KIAA0930: variants seen among roughly 807,000 people sequenced by gnomAD.
KIAA0930 encodes the protein KIAA0930, also known as uncharacterized protein KIAA0930.
A neutral mutation model predicts 43.9 loss-of-function variants in KIAA0930; 24 were observed. The ratio of observed to expected loss-of-function variants is 0.55; its 90% confidence interval spans 0.40 to 0.77. The LOEUF (loss-of-function observed/expected upper bound fraction) is 0.77, where lower values mean the gene tolerates loss of function less well. KIAA0930 is among the 30% of genes least tolerant of loss of function. The probability of loss-of-function intolerance (pLI) is 0.00; values close to 1 mark genes in which losing one functional copy is unlikely to be tolerated. For missense variants in KIAA0930, 461 were observed against 574.2 expected, an observed-to-expected ratio of 0.80 and a Z score of 2.02; for synonymous variants, 259 against 216.4, an observed-to-expected ratio of 1.20 and a Z score of -1.73.
At chr22:45,221,377 A>G (rs1220973636) in intron 1 of KIAA0930, among the ~76,000 whole-genome samples, 1 of 152,226 alleles carries the variant, frequency 6.6e-6, no homozygotes, top group East Asian at 1.9e-4. Flanking sequence ...AAGGAAATGG[A>G]CATGGCTATG....
chr22:45,203,968 G>A lies in KIAA0930; in HGVS notation c.534C>T (p.Thr178=), dbSNP rs776935416. 6 of 1,613,994 alleles carry A rather than the reference G, an allele frequency of 3.7e-6. No homozygotes were observed. The East Asian group carries it at 6.7e-5, about 18-fold the overall frequency. The change falls in exon 6 of 10, where the codon ACC becomes ACT. Residue 178 remains threonine (T), a synonymous_variant. Coordinates refer to ENST00000336156, the MANE Select transcript of KIAA0930 (RefSeq NM_001009880.2). ...CACAGACCATCTCTCCTTCCCCTAC[G>A]GTCATGTCGCTGAACACCTGGGCCA... is the stretch of plus-strand genomic sequence containing the variant. ...DSFEEVFSDM[T]VGEGEMVCVE... is the part of the protein sequence containing the mutation.
chr22:45,222,655 C>G (rs950582133), intron 1 of KIAA0930, among the ~76,000 whole-genome samples: 1 of 151,778 alleles, frequency 6.6e-6, no homozygotes, highest in African/African-American at 2.4e-5. Flanking sequence ...CCCCGCCCCC[C>G]CACCACCACA....
Position 45,194,018 on chromosome 22 carries a change from C to T in KIAA0930, c.*3158G>A, listed in dbSNP as rs1405069595. The T allele has an allele frequency of 2.1e-5, 3 of 141,644 alleles. No homozygotes were observed. The highest frequency in any genetic ancestry group is 1.5e-4 in the Admixed American group (2 of 13,712). 8.8% of individuals were successfully genotyped at this position (141,644 alleles called of 1,614,324 possible). On this transcript the variant is annotated 3_prime_UTR_variant, in exon 10 of 10. Transcript: ENST00000336156. The stretch of plus-strand genomic sequence containing the variant: ...CCAAATCCCCTTGAGACCAACATGC[C>T]TTAAAGGGGGTTTGGGTTTAAAGAC...
chr22:45,207,680 G>T (rs539583962), intron 2 of KIAA0930: 4 of 170,442 alleles, frequency 2.3e-5, no homozygotes, highest in African/African-American at 9.6e-5. Flanking sequence ...CCGGTCCTGG[G>T]TGCTCTCACT....
Position 45,203,401 on chromosome 22 carries a change from C to T in KIAA0930, c.658-217G>A, listed in dbSNP as rs1473214908. 2.6e-5 allele frequency among the ~76,000 whole-genome samples: 4 copies of T among 152,318 alleles called. No homozygotes were observed. The South Asian group carries it at 8.3e-4, about 32-fold the overall frequency. On this transcript the variant is annotated intron_variant, in intron 6 of 9. Transcript: ENST00000336156. The stretch of plus-strand genomic sequence containing the variant: ...TCCCACCGCCCCATGAACCACGGAC[C>T]AGGCTGAGGACAGGGCCCCAGGCTG...
At chr22:45,204,693 C>T (rs888308280) in intron 5 of KIAA0930, among the ~76,000 whole-genome samples, 36 of 151,646 alleles carry the variant, frequency 2.4e-4, no homozygotes, top group African/African-American at 8.5e-4. Context: ...GAGTGAGCTG[C>T]GACCGGCTCC....
chr22:45,209,290 C>G (rs1440492024), intron 2 of KIAA0930, among the ~76,000 whole-genome samples: 4 of 150,958 alleles, frequency 2.6e-5, no homozygotes, highest in Non-Finnish European at 5.9e-5. Context: ...GCGGGTCCCC[C>G]ACCTCCACCG....
At position 45,225,803 on chromosome 22, in the gene KIAA0930, G is replaced by A. The variant is rs74349732; in HGVS notation, c.65-13696C>T. Reference sequence around the variant, plus strand: ...CTGCCCGTGCCCACGTGCACCTGACGGCATTGCCTCACTTGATCTTCACAA... The same window carrying A: ...CTGCCCGTGCCCACGTGCACCTGACAGCATTGCCTCACTTGATCTTCACAA... On this transcript the variant is annotated intron_variant, in intron 1 of 9. Transcript: ENST00000336156. Among the ~76,000 whole-genome samples, 535 of 152,354 alleles carry A rather than the reference G, an allele frequency of 3.5e-3. 3 individuals carry two copies. Among genetic ancestry groups the A allele is most frequent in the African/African-American group, 0.012 (505 of 41,578 alleles).
chr22:45,228,905 T>C (rs2083826181), intron 1 of KIAA0930, among the ~76,000 whole-genome samples: 1 of 10,308 alleles, frequency 9.7e-5, no homozygotes. Context: ...CCCCAACCAC[T>C]CACCCGAAAG....
rs112864425 is a variant in KIAA0930, at chr22:45,240,236, C to T, written c.64+404G>A. On this transcript the variant is annotated intron_variant, in intron 1 of 9. Transcript: ENST00000336156. ...AGAGCCCAACGAGGGCCCGACCCTG[C>T]CGCGCTGGGCTAAGGGTGTACCCAG... is the stretch of plus-strand genomic sequence containing the variant. Among the ~76,000 whole-genome samples, 41 of 152,382 alleles carry T rather than the reference C, an allele frequency of 2.7e-4. 1 individual carries two copies. Among genetic ancestry groups the T allele is most frequent in the African/African-American group, 9.1e-4 (38 of 41,600 alleles).
chr22:45,206,172 C>A (rs1395540860), intron 2 of KIAA0930, among the ~76,000 whole-genome samples: 2 of 152,216 alleles, frequency 1.3e-5, no homozygotes, highest in African/African-American at 2.4e-5. Context: ...CGTGCTACCA[C>A]ACCCGGCTAA....
intron 1 of KIAA0930, among the ~76,000 whole-genome samples, chr22:45,217,953 G>A (rs910234991): frequency 1.3e-5 from 2 of 152,176 alleles, no homozygotes; most frequent in African/African-American, 4.8e-5. Flanking sequence ...GCAGGGGAGA[G>A]GGCGCGTGGG....
intron 1 of KIAA0930, among the ~76,000 whole-genome samples, chr22:45,224,504 T>C (rs1456381217): frequency 1.3e-5 from 2 of 152,050 alleles, no homozygotes; most frequent in South Asian, 2.1e-4. Context: ...GGAGGGAGAC[T>C]GCCCGGCTCC....
At chr22:45,206,935 G>A (rs2083643411) in intron 2 of KIAA0930, among the ~76,000 whole-genome samples, 1 of 152,034 alleles carries the variant, frequency 6.6e-6, no homozygotes, top group African/African-American at 2.4e-5. Flanking sequence ...CTGACCTCAG[G>A]TGATCTGCCC....
At position 45,234,347 on chromosome 22, in the gene KIAA0930, G is replaced by C. The variant is rs541454346; in HGVS notation, c.64+6293C>G. Among the ~76,000 whole-genome samples, 34 of 151,176 alleles carry C rather than the reference G, an allele frequency of 2.2e-4. No individual in the cohort carries two copies. The South Asian group carries it at 7.0e-3, about 31-fold the overall frequency. On this transcript the variant is annotated intron_variant, in intron 1 of 9. Coordinates refer to ENST00000336156, the MANE Select transcript of KIAA0930 (RefSeq NM_001009880.2). ...GAAGACAAGCCTGAAACGCCAGGGGGAGAGCTCTCAGGTAAGAAGACAAGG... is the reference window on the plus strand; with the variant it reads ...GAAGACAAGCCTGAAACGCCAGGGGCAGAGCTCTCAGGTAAGAAGACAAGG...
At chr22:45,227,109 A>G (rs1265671845) in intron 1 of KIAA0930, among the ~76,000 whole-genome samples, 1 of 152,178 alleles carries the variant, frequency 6.6e-6, no homozygotes, top group East Asian at 1.9e-4. Context: ...CGCCAATGCC[A>G]CCCACCCTTG....
chr22:45,205,770 G>GGGGGGC, intron 3 of KIAA0930, 23 bp downstream of exon 3: 8 of 1,523,726 alleles, frequency 5.3e-6, no homozygotes, highest in Non-Finnish European at 7.3e-6. Context: ...CCAATCCGCA[G>GGGGGGC]CCCCACCCAT....
intron 1 of KIAA0930, among the ~76,000 whole-genome samples, chr22:45,218,333 ATTTTTTTTTTTTTTTTTTTT>A (rs752298111): frequency 3.9e-5 from 2 of 51,702 alleles, no homozygotes; most frequent in Non-Finnish European, 6.6e-5. Flanking sequence ...AATTTTTTTG[ATTTTTTTTTTTTTTTTTTTT>A]TTTTTTTTTT....
intron 2 of KIAA0930, among the ~76,000 whole-genome samples, chr22:45,209,360 G>T (rs1391201703): frequency 6.6e-6 from 1 of 152,092 alleles, no homozygotes; most frequent in African/African-American, 2.4e-5. Flanking sequence ...CCTCCAGCCT[G>T]CCCCCTGCAG....
Sources: allele counts gnomAD v4.1 joint callset (sites outside exome capture counted in the v4.1 genomes callset), GRCh38; gene constraint gnomAD v4.1.1; transcripts MANE v1.5; gene names NCBI Gene and HGNC (gene_info 2026-07-23, HGNC 2026-07-21).